The following ZNF385D variants were observed in gnomAD, a reference collection of about 807,000 sequenced individuals.
ZNF385D encodes the protein zinc finger protein 385D.
In ZNF385D, 15 loss-of-function variants were observed where a neutral mutation model predicts 35.8. That is an observed-to-expected ratio of 0.42 (90% CI 0.28 to 0.64). The LOEUF (loss-of-function observed/expected upper bound fraction) is 0.64. ZNF385D is among the 30% of genes least tolerant of loss of function. The probability of loss-of-function intolerance (pLI) is 0.23; values close to 1 mark genes in which losing one functional copy is unlikely to be tolerated. For synonymous variants in ZNF385D, 212 were observed against 186.8 expected (o/e 1.13, Z -1.10); for missense variants, 474 against 494.6 (o/e 0.96, Z 0.39).
At chr3:21,733,528 T>G (rs181470203) in intron 1 of ZNF385D, among the ~76,000 whole-genome samples, 48 of 152,334 alleles carry the variant, frequency 3.2e-4, no homozygotes, top group Non-Finnish European at 1.0e-4. Context: ...TAAATACTGT[T>G]TTCTAACTTT....
intron 3 of ZNF385D, among the ~76,000 whole-genome samples, chr3:21,890,743 G>A (rs1047216202): frequency 2.6e-5 from 4 of 152,150 alleles, no homozygotes; most frequent in African/African-American, 7.2e-5. Flanking sequence ...GGCAGCTCAA[G>A]TATTCAAGAG....
chr3:21,987,357 A>C (rs1694868721), intron 3 of ZNF385D, among the ~76,000 whole-genome samples: 1 of 123,054 alleles, frequency 8.1e-6, no homozygotes, highest in Admixed American at 7.1e-5. Context: ...CTTTTAGGGC[A>C]GGTCTGGTGG....
chr3:22,231,551 G>A (rs1320380790), intron 2 of ZNF385D, among the ~76,000 whole-genome samples: 1 of 152,084 alleles, frequency 6.6e-6, no homozygotes, highest in Non-Finnish European at 1.5e-5. Flanking sequence ...GAGCTCTCTG[G>A]TGGCTTGGGG....
intron 5 of ZNF385D, among the ~76,000 whole-genome samples, chr3:21,426,329 G>A (rs764868512): frequency 1.3e-5 from 2 of 152,116 alleles, no homozygotes; most frequent in Non-Finnish European, 2.9e-5. Flanking sequence ...GGGTGGACTC[G>A]TAACCCAAGC....
chr3:22,321,328 G>A (rs1024400697), intron 2 of ZNF385D, among the ~76,000 whole-genome samples: 2 of 151,404 alleles, frequency 1.3e-5, no homozygotes, highest in East Asian at 3.9e-4. Flanking sequence ...AATTAATGGG[G>A]GGATTCAGTC....
At chr3:21,951,486 T>A (rs1193842926) in intron 3 of ZNF385D, among the ~76,000 whole-genome samples, 2 of 151,738 alleles carry the variant, frequency 1.3e-5, no homozygotes, top group Non-Finnish European at 2.9e-5. Flanking sequence ...TACAATCATG[T>A]CATCTGCAAA....
chr3:21,938,425 A>C (rs1322747376), intron 3 of ZNF385D, among the ~76,000 whole-genome samples: 1 of 152,188 alleles, frequency 6.6e-6, no homozygotes, highest in African/African-American at 2.4e-5. Flanking sequence ...GAGAGAATGA[A>C]AGTAGGCCAG....
At position 21,537,384 on chromosome 3, in the gene ZNF385D, C is replaced by T. The variant is rs534832325; in HGVS notation, c.277-26361G>A. On this transcript the variant is annotated intron_variant, in intron 3 of 7. Transcript: ENST00000281523. ...TTGACCTCAGGTGATTCACCTGCCT[C>T]GGGTTACAGGCATCTGTAATCACCT... Among the ~76,000 whole-genome samples the T allele has an allele frequency of 4.3e-4, 65 of 151,740 alleles. 4 individuals are homozygous for T. In the South Asian group the frequency reaches 0.012, roughly 28 times the overall value.
chr3:22,254,361 T>A (rs538857743), intron 2 of ZNF385D, among the ~76,000 whole-genome samples: 1 of 151,852 alleles, frequency 6.6e-6, no homozygotes, highest in Admixed American at 6.6e-5. Flanking sequence ...GCAGGGTACA[T>A]GCATGATGGT....
intron 3 of ZNF385D, among the ~76,000 whole-genome samples, chr3:22,081,131 A>G (rs547321005): frequency 7.7e-4 from 118 of 152,268 alleles, no homozygotes; most frequent in African/African-American, 2.7e-3. Context: ...TCCTATATCC[A>G]CTACATTTCT....
chr3:22,210,412 A>T (rs777829050), intron 2 of ZNF385D, among the ~76,000 whole-genome samples: 1 of 151,914 alleles, frequency 6.6e-6, no homozygotes, highest in Non-Finnish European at 1.5e-5. Flanking sequence ...GTATAATTTT[A>T]TTTAACACGA....
chr3:21,672,900 A>T (rs1459609328), intron 1 of ZNF385D, among the ~76,000 whole-genome samples: 1 of 152,122 alleles, frequency 6.6e-6, no homozygotes, highest in East Asian at 1.9e-4. Flanking sequence ...TGGTGCCTGA[A>T]ACATACTAGA....
At chr3:22,329,651 G>A (rs1168839089) in intron 2 of ZNF385D, among the ~76,000 whole-genome samples, 1 of 152,028 alleles carries the variant, frequency 6.6e-6, no homozygotes, top group East Asian at 1.9e-4. Flanking sequence ...CTATTTGCTA[G>A]AACTTTTGCA....
chr3:21,898,006 G>C (rs889369771), intron 3 of ZNF385D, among the ~76,000 whole-genome samples: 3 of 151,970 alleles, frequency 2.0e-5, no homozygotes, highest in Non-Finnish European at 4.4e-5. Flanking sequence ...TCCACCTAGA[G>C]GTTTATTTTA....
intron 3 of ZNF385D, among the ~76,000 whole-genome samples, chr3:21,906,489 A>G (rs1340295858): frequency 6.6e-6 from 1 of 152,152 alleles, no homozygotes; most frequent in Admixed American, 6.6e-5. Context: ...CTATGTCCTG[A>G]AAGAACGGAG....
chr3:21,921,483 T>C (rs1301999617), intron 3 of ZNF385D, among the ~76,000 whole-genome samples: 1 of 152,070 alleles, frequency 6.6e-6, no homozygotes, highest in Non-Finnish European at 1.5e-5. Context: ...TCCTTAAATC[T>C]TGTATTTCTT....
At chr3:21,719,749 T>A (rs764714578) in intron 1 of ZNF385D, among the ~76,000 whole-genome samples, 1 of 152,100 alleles carries the variant, frequency 6.6e-6, no homozygotes, top group Non-Finnish European at 1.5e-5. Flanking sequence ...TCTCTCAGAG[T>A]ATAATGTCTA....
At chr3:21,642,088 G>GC (rs1394347700) in intron 2 of ZNF385D, among the ~76,000 whole-genome samples, 1 of 152,042 alleles carries the variant, frequency 6.6e-6, no homozygotes, top group Non-Finnish European at 1.5e-5. Context: ...GGTTGTGGTG[G>GC]CCAGATTTTC....
At chr3:22,216,161 G>A (rs2035852) in intron 2 of ZNF385D, among the ~76,000 whole-genome samples, 65,044 of 151,798 alleles carry the variant, frequency 0.43, 15,240 homozygotes, top group East Asian at 0.72. Context: ...TTTCAGGAAA[G>A]TCTGACTTTG....
Sources: allele counts gnomAD v4.1 joint callset (sites outside exome capture counted in the v4.1 genomes callset), GRCh38; gene constraint gnomAD v4.1.1; transcripts MANE v1.5; gene names NCBI Gene and HGNC (gene_info 2026-07-23, HGNC 2026-07-21).